Variants in ADAMTS12 observed in about 807,000 individuals in gnomAD.
The protein encoded by ADAMTS12 is A disintegrin and metalloproteinase with thrombospondin motifs 12.
ADAMTS12 carries 118 observed loss-of-function variants against 167.8 expected under a neutral mutation model. That is an observed-to-expected ratio of 0.70 (90% CI 0.61 to 0.82). The LOEUF (loss-of-function observed/expected upper bound fraction) is 0.82. Among genes scored for constraint, ADAMTS12 ranks in the 40% least tolerant of loss-of-function variants. ADAMTS12 has a pLI of 0.00. For synonymous variants in ADAMTS12, 704 were observed against 716.9 expected, an observed-to-expected ratio of 0.98 and a Z score of 0.29; for missense variants, 1,916 against 1,998.8, an observed-to-expected ratio of 0.96 and a Z score of 0.79.
chr5:33,572,254 C>T (rs1196249711), intron 19 of ADAMTS12, among the ~76,000 whole-genome samples: 1 of 152,012 alleles, frequency 6.6e-6, no homozygotes, highest in Non-Finnish European at 1.5e-5. Context: ...TTTATGAGGC[C>T]AGCATCATCC....
chr5:33,821,245 A>C (rs1747857249), intron 2 of ADAMTS12, among the ~76,000 whole-genome samples: 1 of 152,168 alleles, frequency 6.6e-6, no homozygotes, highest in South Asian at 2.1e-4. Flanking sequence ...TAAAATTTTG[A>C]GTCATATCAT....
chr5:33,571,357 C>G (rs1746334992), intron 19 of ADAMTS12, among the ~76,000 whole-genome samples: 1 of 152,052 alleles, frequency 6.6e-6, no homozygotes, highest in Admixed American at 6.6e-5. Context: ...TAAAGCTCTC[C>G]TCAGCAAATG....
intron 21 of ADAMTS12, among the ~76,000 whole-genome samples, chr5:33,548,428 A>C (rs868651232): frequency 1.3e-5 from 2 of 152,166 alleles, no homozygotes; most frequent in Admixed American, 1.3e-4. Context: ...CATCCAGGTC[A>C]TGGAGATAAT....
intron 3 of ADAMTS12, among the ~76,000 whole-genome samples, chr5:33,743,785 CT>C (rs1312087477): frequency 2.0e-5 from 3 of 152,130 alleles, no homozygotes; most frequent in Non-Finnish European, 4.4e-5. Flanking sequence ...ACATGATCTG[CT>C]TTTCTCCAAA....
At chr5:33,698,143 A>G (rs767849457) in intron 3 of ADAMTS12, among the ~76,000 whole-genome samples, 16 of 152,372 alleles carry the variant, frequency 1.1e-4, no homozygotes, top group Non-Finnish European at 1.2e-4. Context: ...TTGAGAATTC[A>G]GAATAGCCTG....
At chr5:33,858,574 C>T (rs1271992383) in intron 2 of ADAMTS12, among the ~76,000 whole-genome samples, 1 of 150,918 alleles carries the variant, frequency 6.6e-6, no homozygotes, top group African/African-American at 2.4e-5. Context: ...GGGAGGATTG[C>T]TTGATCCCAG....
At chr5:33,788,279 C>A (rs568963203) in intron 2 of ADAMTS12, among the ~76,000 whole-genome samples, 2 of 152,086 alleles carry the variant, frequency 1.3e-5, no homozygotes, top group East Asian at 3.9e-4. Context: ...AGTCTTTTTT[C>A]TCTCTCTCTT....
At chr5:33,696,377 C>T (rs1406805149) in intron 3 of ADAMTS12, among the ~76,000 whole-genome samples, 1 of 149,256 alleles carries the variant, frequency 6.7e-6, no homozygotes, top group Non-Finnish European at 1.5e-5. Flanking sequence ...GCCGAGATCG[C>T]GCCACTGCAC....
At chr5:33,803,474 C>T (rs1177385833) in intron 2 of ADAMTS12, among the ~76,000 whole-genome samples, 1 of 152,126 alleles carries the variant, frequency 6.6e-6, no homozygotes, top group Non-Finnish European at 1.5e-5. Context: ...GTGTTTGATT[C>T]CTTAGGATGC....
intron 2 of ADAMTS12, 132 bp from the exon 3 acceptor site, chr5:33,751,680 G>A (rs1304230563): frequency 2.8e-5 from 22 of 787,316 alleles, no homozygotes; most frequent in South Asian, 1.3e-4. Context: ...TCTGCTGTTC[G>A]ATCTCATAGA....
chr5:33,528,360 G>A (rs911274601), intron 23 of ADAMTS12, among the ~76,000 whole-genome samples: 5 of 152,068 alleles, frequency 3.3e-5, no homozygotes, highest in Admixed American at 1.3e-4. Flanking sequence ...CTCAGAAATC[G>A]CCACTAAGGA....
intron 19 of ADAMTS12, among the ~76,000 whole-genome samples, chr5:33,572,060 T>C (rs1424874429): frequency 6.6e-6 from 1 of 152,126 alleles, no homozygotes; most frequent in Non-Finnish European, 1.5e-5. Context: ...AGAAGTTGAA[T>C]CTCTGAATAG....
chr5:33,844,933 T>C (rs1218228227), intron 2 of ADAMTS12, among the ~76,000 whole-genome samples: 1 of 152,178 alleles, frequency 6.6e-6, no homozygotes, highest in East Asian at 1.9e-4. Flanking sequence ...CCTACATGAC[T>C]ACTGGGGGCA....
chr5:33,751,768 G>A (rs1744990738), intron 2 of ADAMTS12, among the ~76,000 whole-genome samples: 1 of 152,286 alleles, frequency 6.6e-6, no homozygotes, highest in South Asian at 2.1e-4. Flanking sequence ...AGATCCATTT[G>A]TGACCTTATT....
intron 12 of ADAMTS12, among the ~76,000 whole-genome samples, chr5:33,633,310 G>A (rs1169838185): frequency 8.1e-6 from 1 of 123,612 alleles, no homozygotes; most frequent in African/African-American, 2.9e-5. Context: ...CCTTCATCCT[G>A]TTTCCACAAC....
At chr5:33,535,795 G>A (rs75774311) in intron 22 of ADAMTS12, among the ~76,000 whole-genome samples, 1,582 of 152,238 alleles carry the variant, frequency 0.01, 23 homozygotes, top group African/African-American at 0.036. Flanking sequence ...AGAGATGAAC[G>A]TTGGGTAAAA....
chr5:33,608,553 T>C (rs1171246871), intron 16 of ADAMTS12, among the ~76,000 whole-genome samples: 1 of 152,158 alleles, frequency 6.6e-6, no homozygotes, highest in Non-Finnish European at 1.5e-5. Flanking sequence ...TTCCTTTGAC[T>C]CTCTGATAGT....
intron 2 of ADAMTS12, among the ~76,000 whole-genome samples, chr5:33,846,279 C>T (rs1453571209): frequency 1.3e-5 from 2 of 152,048 alleles, no homozygotes; most frequent in Non-Finnish European, 2.9e-5. Flanking sequence ...GTTTCCAATA[C>T]TTACTAGATG....
At chr5:33,820,580 TTC>T (rs1747832751) in intron 2 of ADAMTS12, among the ~76,000 whole-genome samples, 1 of 152,172 alleles carries the variant, frequency 6.6e-6, no homozygotes, top group South Asian at 2.1e-4. Flanking sequence ...GAGAAGAAAT[TTC>T]TGTTTGATTA....
Sources: gnomAD v4.1 joint callset for allele counts (sites outside exome capture counted in the v4.1 genomes callset) on GRCh38, gnomAD v4.1.1 for gene constraint, MANE v1.5 for transcripts, NCBI Gene and HGNC (gene_info 2026-07-23, HGNC 2026-07-21) for gene names.